CRB1: variants seen among roughly 807,000 people sequenced by gnomAD.
The protein encoded by CRB1 is protein crumbs homolog 1.
Under a neutral mutation model 120.0 loss-of-function variants are expected in CRB1, and 83 were observed. That is an observed-to-expected ratio of 0.69 (90% CI 0.58 to 0.83). The LOEUF (loss-of-function observed/expected upper bound fraction) is 0.83. Ranked by LOEUF, CRB1 falls within the 40% of genes least tolerant of loss-of-function variation. The pLI, the probability that CRB1 is intolerant of heterozygous loss-of-function variation, is 0.00. For missense variants in CRB1, 1,699 were observed against 1,687.6 expected (o/e 1.01, Z -0.12); for synonymous variants, 625 against 612.5 (o/e 1.02, Z -0.30).
At chr1:197,372,335 T>A (rs1661413548) in intron 5 of CRB1, among the ~76,000 whole-genome samples, 1 of 152,134 alleles carries the variant, frequency 6.6e-6, no homozygotes, top group Non-Finnish European at 1.5e-5. Flanking sequence ...TAGATTGACA[T>A]ACTGATCTTT....
intron 11 of CRB1, among the ~76,000 whole-genome samples, chr1:197,471,424 A>G (rs1408050586): frequency 6.6e-6 from 1 of 152,202 alleles, no homozygotes; most frequent in Non-Finnish European, 1.5e-5. Flanking sequence ...TGGGAGAAGC[A>G]GAGCAGCCAG....
intron 1 of CRB1, among the ~76,000 whole-genome samples, chr1:197,320,030 GTTAA>G (rs1424150429): frequency 6.6e-6 from 1 of 152,192 alleles, no homozygotes; most frequent in Non-Finnish European, 1.5e-5. Flanking sequence ...AGATTAAATG[GTTAA>G]TTATTCTATA....
the CRB1 span, among the ~76,000 whole-genome samples, chr1:197,217,703 T>G: frequency 2.6e-5 from 4 of 152,180 alleles, no homozygotes; most frequent in Non-Finnish European, 5.9e-5. Context: ...GGGTATGGGT[T>G]TTTTGGAGGT....
At chr1:197,225,175 A>C in the CRB1 span, among the ~76,000 whole-genome samples, 1 of 152,138 alleles carries the variant, frequency 6.6e-6, no homozygotes, top group Admixed American at 6.5e-5. Context: ...AACTCCACCG[A>C]GATGGCCTGG....
intron 1 of CRB1, among the ~76,000 whole-genome samples, chr1:197,305,507 T>A (rs1379679653): frequency 1.3e-5 from 2 of 151,884 alleles, no homozygotes; most frequent in Admixed American, 1.3e-4. Flanking sequence ...GGATTTTTTG[T>A]ATGAATATGA....
intron 1 of CRB1, among the ~76,000 whole-genome samples, chr1:197,284,141 G>A (rs1047721632): frequency 3.3e-5 from 5 of 151,776 alleles, no homozygotes; most frequent in African/African-American, 7.3e-5. Context: ...ACTCTATGAC[G>A]TCTTAACTTG....
At chr1:197,361,598 T>C (rs559164157) in intron 5 of CRB1, among the ~76,000 whole-genome samples, 1 of 152,194 alleles carries the variant, frequency 6.6e-6, no homozygotes, top group African/African-American at 2.4e-5. Context: ...TGCTGATTTT[T>C]CTGTTGAACT....
Position 197,459,126 on chromosome 1 carries a change from T to C in CRB1, c.4005+16834T>C, listed in dbSNP as rs563967809. Among the ~76,000 whole-genome samples the C allele has an allele frequency of 2.6e-5, 4 of 152,156 alleles. 1 individual carries two copies. Among genetic ancestry groups the C allele is most frequent in the African/African-American group, 9.6e-5 (4 of 41,532 alleles). ...GCCTGATTTTAATAGATAAAGAATG[T>C]CAGGAAATAGTAGGATATAGAAGTG... On this transcript the variant is annotated intron_variant, in intron 11 of 11. Coordinates refer to ENST00000367400, the MANE Select transcript of CRB1 (RefSeq NM_201253.3).
At position 197,362,028 on chromosome 1, in the gene CRB1, G is replaced by A. The variant is rs2884643; in HGVS notation, c.1171+5015G>A. The stretch of plus-strand genomic sequence containing the variant: ...AGCTGCATCCCACATATTTTGATAT[G>A]CCATACTTCCATCTTAATACTGTTC... On this transcript the variant is annotated intron_variant, in intron 5 of 11. Coordinates refer to ENST00000367400, the MANE Select transcript of CRB1 (RefSeq NM_201253.3). 1.7e-3 allele frequency among the ~76,000 whole-genome samples: 260 copies of A among 151,810 alleles called. 5 individuals carry two copies. Among genetic ancestry groups the A allele is most frequent in the Admixed American group, 0.014 (220 of 15,246 alleles).
At chr1:197,397,919 A>G (rs962156388) in intron 5 of CRB1, among the ~76,000 whole-genome samples, 3 of 152,104 alleles carry the variant, frequency 2.0e-5, no homozygotes, top group African/African-American at 7.2e-5. Context: ...TACACCTAAC[A>G]TGATGAATTA....
Position 197,328,843 on chromosome 1 carries a change from GGATGGAATT to G in CRB1, c.498_506del (p.Ile167_Gly169del), listed in dbSNP as rs398124615. On this transcript the variant is annotated inframe_deletion, in exon 2 of 12. Transcript: ENST00000367400. ...CTTGCCAAAATGGGGCCGTGTGCCA[GGATGGAATT>G]GATGGTTACTCCTGCTTCTGTGTCC... 1,981 of 1,614,162 alleles carry G rather than the reference GGATGGAATT, an allele frequency of 1.2e-3. 7 individuals carry two copies. The highest frequency in any genetic ancestry group is 1.6e-3 in the Non-Finnish European group (1,844 of 1,180,002).
At chr1:197,252,325 T>A in the CRB1 span, among the ~76,000 whole-genome samples, 1 of 151,078 alleles carries the variant, frequency 6.6e-6, no homozygotes, top group South Asian at 2.1e-4. Context: ...CTTTCAGGTC[T>A]CGAAATAGGT....
chr1:197,208,337 C>T, the CRB1 span, among the ~76,000 whole-genome samples: 1 of 152,142 alleles, frequency 6.6e-6, no homozygotes, highest in African/African-American at 2.4e-5. Context: ...GGTTACTTCT[C>T]TTTTGGGTAG....
At chr1:197,270,269 A>G (rs1170604141) in intron 1 of CRB1, among the ~76,000 whole-genome samples, 3 of 152,174 alleles carry the variant, frequency 2.0e-5, no homozygotes, top group Non-Finnish European at 2.9e-5. Context: ...CAACAACCCT[A>G]TAAGATAGAT....
chr1:197,408,847 G>A (rs1490629481), intron 5 of CRB1, among the ~76,000 whole-genome samples: 1 of 152,214 alleles, frequency 6.6e-6, no homozygotes, highest in African/African-American at 2.4e-5. Flanking sequence ...AAGTCAACAA[G>A]AGTGAGCATG....
At chr1:197,405,540 G>A (rs1201031649) in intron 5 of CRB1, among the ~76,000 whole-genome samples, 6 of 148,278 alleles carry the variant, frequency 4.0e-5, no homozygotes, top group Admixed American at 2.0e-4. Context: ...GCCGCCCATC[G>A]TCTGGGACGT....
At chr1:197,248,551 CTAAT>C in the CRB1 span, among the ~76,000 whole-genome samples, 1 of 151,916 alleles carries the variant, frequency 6.6e-6, no homozygotes, top group African/African-American at 2.4e-5. Flanking sequence ...AAGTGAAAAT[CTAAT>C]TGAGTTGAGA....
chr1:197,209,698 T>C, the CRB1 span, among the ~76,000 whole-genome samples: 2 of 152,270 alleles, frequency 1.3e-5, no homozygotes, highest in African/African-American at 4.8e-5. Context: ...CAAAAACCCG[T>C]GTGAGACAAA....
intron 5 of CRB1, among the ~76,000 whole-genome samples, chr1:197,404,685 G>A (rs1663251042): frequency 6.6e-6 from 1 of 152,130 alleles, no homozygotes; most frequent in Non-Finnish European, 1.5e-5. Context: ...GACAGTAACT[G>A]TTAAATAGAT....
Sources: gnomAD v4.1 joint callset for allele counts (sites outside exome capture counted in the v4.1 genomes callset) on GRCh38, gnomAD v4.1.1 for gene constraint, MANE v1.5 for transcripts, NCBI Gene and HGNC (gene_info 2026-07-23, HGNC 2026-07-21) for gene names.